Variants in DNM3 observed in about 807,000 individuals in gnomAD.
DNM3 encodes the protein dynamin-3.
DNM3 carries 47 observed loss-of-function variants against 101.6 expected under a neutral mutation model. That is an observed-to-expected ratio of 0.46 (90% confidence interval 0.37 to 0.59). The LOEUF (loss-of-function observed/expected upper bound fraction) is 0.59. Ranked by LOEUF, DNM3 falls within the 20% of genes least tolerant of loss-of-function variation. The pLI is 0.00. For synonymous variants in DNM3, 385 were observed against 387.9 expected, an observed-to-expected ratio of 0.99 and a Z score of 0.09; for missense variants, 849 against 1,085.7, an observed-to-expected ratio of 0.78 and a Z score of 3.06.
At chr1:172,214,420 T>A (rs997564085) in intron 14 of DNM3, among the ~76,000 whole-genome samples, 4 of 151,966 alleles carry the variant, frequency 2.6e-5, no homozygotes, top group African/African-American at 9.7e-5. Context: ...GTTGTGCACA[T>A]GTACCCTAGA....
At chr1:172,287,400 T>G (rs2063741782) in intron 15 of DNM3, among the ~76,000 whole-genome samples, 1 of 152,188 alleles carries the variant, frequency 6.6e-6, no homozygotes, top group African/African-American at 2.4e-5. Context: ...TTACTGTGAT[T>G]AATGCTGACA....
chr1:172,285,853 G>C (rs1187636881), intron 15 of DNM3, among the ~76,000 whole-genome samples: 1 of 151,914 alleles, frequency 6.6e-6, no homozygotes, highest in African/African-American at 2.4e-5. Context: ...AACTAACACA[G>C]ACAGCCCCAA....
rs561649125 is a variant in DNM3 at position 172,256,116 on chromosome 1, T to G, written c.1769+2434T>G. Among the ~76,000 whole-genome samples the G allele has an allele frequency of 3.3e-5, 5 of 152,248 alleles. 1 individual carries two copies. The highest frequency in any genetic ancestry group is 1.2e-4 in the African/African-American group (5 of 41,564). ...CTTTATTATGAGTTCTTGGTTTAAGTTTGCTAGTATTTTAGCAAATGCTAA... is the reference window on the plus strand; with the variant it reads ...CTTTATTATGAGTTCTTGGTTTAAGGTTGCTAGTATTTTAGCAAATGCTAA... On this transcript the variant is annotated intron_variant, in intron 15 of 20. Coordinates refer to ENST00000627582, the MANE Select transcript of DNM3 (RefSeq NM_015569.5).
intron 1 of DNM3, among the ~76,000 whole-genome samples, chr1:171,895,550 A>G (rs1027066737): frequency 2.1e-4 from 32 of 152,120 alleles, no homozygotes; most frequent in Non-Finnish European, 3.5e-4. Flanking sequence ...CCTTTGTCAG[A>G]TGGGTAGATT....
chr1:172,186,523 C>A (rs1448497833), intron 14 of DNM3, among the ~76,000 whole-genome samples: 1 of 151,914 alleles, frequency 6.6e-6, no homozygotes. Context: ...TGCTGTCCCC[C>A]CCTTTTGAAG....
At chr1:172,176,534 G>T (rs1482541691) in intron 14 of DNM3, among the ~76,000 whole-genome samples, 3 of 151,816 alleles carry the variant, frequency 2.0e-5, no homozygotes, top group Non-Finnish European at 2.9e-5. Flanking sequence ...GAGCTTGGAT[G>T]TTTCCCTGGT....
At chr1:172,382,899 T>TG (rs1432467331) in intron 18 of DNM3, among the ~76,000 whole-genome samples, 1 of 152,172 alleles carries the variant, frequency 6.6e-6, no homozygotes, top group African/African-American at 2.4e-5. Context: ...TGGACCCCTC[T>TG]GGAGGTCCAC....
intron 14 of DNM3, among the ~76,000 whole-genome samples, chr1:172,207,064 A>C (rs779509850): frequency 6.6e-6 from 1 of 151,766 alleles, no homozygotes; most frequent in Non-Finnish European, 1.5e-5. Context: ...GCCTGTACCC[A>C]CTCATTACAC....
intron 15 of DNM3, among the ~76,000 whole-genome samples, chr1:172,269,154 A>G (rs1475152410): frequency 6.6e-6 from 1 of 152,240 alleles, no homozygotes; most frequent in Admixed American, 6.5e-5. Context: ...TGAGGCATTC[A>G]TGTTCAGGTT....
At chr1:172,010,906 T>C (rs146330792) in intron 4 of DNM3, among the ~76,000 whole-genome samples, 44 of 152,040 alleles carry the variant, frequency 2.9e-4, no homozygotes, top group South Asian at 6.2e-4. Flanking sequence ...TAGGATTCTA[T>C]TGACAGATAT....
intron 20 of DNM3, chr1:172,393,335 C>T (rs997796745): frequency 2.6e-5 from 4 of 152,158 alleles, no homozygotes; most frequent in African/African-American, 9.7e-5. Flanking sequence ...TATAAAGTCC[C>T]TTTCACTTAG....
intron 14 of DNM3, among the ~76,000 whole-genome samples, chr1:172,229,922 C>G (rs2061270733): frequency 6.6e-6 from 1 of 152,106 alleles, no homozygotes; most frequent in Admixed American, 6.6e-5. Flanking sequence ...TTTGCTAGGA[C>G]AGTGTATTGA....
At chr1:172,401,059 T>A (rs2070449865) in intron 20 of DNM3, among the ~76,000 whole-genome samples, 1 of 152,158 alleles carries the variant, frequency 6.6e-6, no homozygotes, top group Admixed American at 6.5e-5. Flanking sequence ...AGTGACTCTT[T>A]ATTTCTGTAT....
intron 11 of DNM3, among the ~76,000 whole-genome samples, chr1:172,074,651 C>A (rs1462142563): frequency 6.6e-6 from 1 of 152,106 alleles, no homozygotes; most frequent in Non-Finnish European, 1.5e-5. Flanking sequence ...TGAACTCATC[C>A]TTTTTTATGG....
intron 14 of DNM3, among the ~76,000 whole-genome samples, chr1:172,168,728 G>A (rs1348192247): frequency 1.3e-5 from 2 of 152,050 alleles, no homozygotes; most frequent in South Asian, 2.1e-4. Flanking sequence ...AGGTTTGCAA[G>A]GTGTCCCCAG....
intron 14 of DNM3, among the ~76,000 whole-genome samples, chr1:172,247,687 A>ATTTT (rs1557877868): frequency 5.3e-5 from 8 of 150,200 alleles, no homozygotes; most frequent in Non-Finnish European, 1.0e-4. Context: ...TTATTTATTT[A>ATTTT]TTTATTTGTT....
At chr1:172,313,152 C>G (rs971583880) in intron 16 of DNM3, among the ~76,000 whole-genome samples, 25 of 152,142 alleles carry the variant, frequency 1.6e-4, no homozygotes, top group African/African-American at 5.1e-4. Flanking sequence ...TCTATGGTCA[C>G]TAAATTGAAA....
At chr1:171,843,240 A>G (rs1244580038) in intron 1 of DNM3, among the ~76,000 whole-genome samples, 1 of 152,216 alleles carries the variant, frequency 6.6e-6, no homozygotes, top group Non-Finnish European at 1.5e-5. Context: ...ATTGGCTTGT[A>G]TCCTTGAGTA....
intron 14 of DNM3, among the ~76,000 whole-genome samples, chr1:172,132,161 A>T (rs2056973093): frequency 1.3e-5 from 2 of 152,170 alleles, no homozygotes; most frequent in Admixed American, 1.3e-4. Context: ...GTGGCCACGA[A>T]GGGCATGTGT....
Sources: gnomAD v4.1 joint callset for allele counts (sites outside exome capture counted in the v4.1 genomes callset) on GRCh38, gnomAD v4.1.1 for gene constraint, MANE v1.5 for transcripts, NCBI Gene and HGNC (gene_info 2026-07-23, HGNC 2026-07-21) for gene names.